SUFU: variants seen among roughly 807,000 people sequenced by gnomAD.
SUFU encodes the protein SUFU negative regulator of hedgehog signaling, also known as suppressor of fused homolog.
Under a neutral mutation model 58.9 loss-of-function variants are expected in SUFU, and 7 were observed. The observed-to-expected ratio is 0.12, with a 90% CI of 0.07 to 0.22. The LOEUF is 0.22. Among genes scored for constraint, SUFU ranks in the 10% least tolerant of loss-of-function variants. SUFU has a pLI of 1.00. For missense variants in SUFU, 451 were observed against 641.3 expected, an observed-to-expected ratio of 0.70 and a Z score of 3.20; for synonymous variants, 232 against 254.8, an observed-to-expected ratio of 0.91 and a Z score of 0.85.
intron 3 of SUFU, among the ~76,000 whole-genome samples, chr10:102,562,349 C>G (rs867099953): frequency 6.6e-6 from 1 of 151,718 alleles, no homozygotes; most frequent in Non-Finnish European, 1.5e-5. Flanking sequence ...ATGGTGGAAC[C>G]ACGTCTCTAC....
chr10:102,630,479 T>C lies in SUFU; in HGVS notation c.*324T>C. The C allele has an allele frequency of 2.2e-6, 1 of 463,522 alleles. No homozygotes were observed. Among genetic ancestry groups the C allele is most frequent in the Non-Finnish European group, 4.0e-6 (1 of 248,968 alleles). 28.7% of individuals were successfully genotyped at this position (463,522 alleles called of 1,614,324 possible). On this transcript the variant is annotated 3_prime_UTR_variant, in exon 12 of 12. Coordinates refer to ENST00000369902, the MANE Select transcript of SUFU (RefSeq NM_016169.4). ...TCTGGACCCTGGCTGTGCCCCTAGGTGGAGACAGCCCTCTTTCTCACCTAC... is the reference window on the plus strand; with the variant it reads ...TCTGGACCCTGGCTGTGCCCCTAGGCGGAGACAGCCCTCTTTCTCACCTAC...
intron 3 of SUFU, chr10:102,572,665 GGT>G (rs2063174428): frequency 1.8e-6 from 1 of 568,894 alleles, no homozygotes; most frequent in African/African-American, 1.9e-5. Flanking sequence ...TGAGATTACA[GGT>G]GTGAGTGAGC....
Position 102,608,341 on chromosome 10 carries a change from G to A in SUFU, c.1023-6927G>A, listed in dbSNP as rs375965749. On this transcript the variant is annotated intron_variant, in intron 8 of 11. Transcript: ENST00000369902. ...CTATTGTAATGACCCTCATGAAACC[G>A]TTTGACTAAACACTAAAAAAGAAAA... Among the ~76,000 whole-genome samples, 4 of 152,318 alleles carry A rather than the reference G, an allele frequency of 2.6e-5. No individual in the cohort carries two copies. In the South Asian group the frequency reaches 8.3e-4, roughly 32 times the overall value.
chr10:102,568,898 A>G lies in SUFU; in HGVS notation c.454+18792A>G, dbSNP rs1347029392. Among the ~76,000 whole-genome samples the G allele has an allele frequency of 3.4e-4, 2 of 5,960 alleles. 1 individual carries two copies. The highest frequency in any genetic ancestry group is 4.9e-3 in the East Asian group (2 of 410). The allele number at this position is 5,960 out of a possible 152,430, so 3.9% of individuals were successfully genotyped here. On this transcript the variant is annotated intron_variant, in intron 3 of 11. Transcript: ENST00000369902. ...TCAAAAAAAAAAAAAAAAAAAAAAAATATATATATATATATATATATACAC... is the reference window on the plus strand; with the variant it reads ...TCAAAAAAAAAAAAAAAAAAAAAAAGTATATATATATATATATATATACAC...
At position 102,632,476 on chromosome 10, in the gene SUFU, G is replaced by A. The variant is rs1163992113; in HGVS notation, c.*2321G>A. On this transcript the variant is annotated 3_prime_UTR_variant, in exon 12 of 12. Coordinates refer to ENST00000369902, the MANE Select transcript of SUFU (RefSeq NM_016169.4). ...CAGGGTATCACACATTTCTCACCAG[G>A]CCTCCTTTCCTATGGGCATTGGTGC... is the stretch of plus-strand genomic sequence containing the variant. The A allele has an allele frequency of 8.6e-6, 2 of 233,330 alleles. No individual in the cohort carries two copies. The highest frequency in any genetic ancestry group is 6.0e-5 in the East Asian group (1 of 16,570). The allele number at this position is 233,330 out of a possible 1,614,324, so 14.5% of individuals were successfully genotyped here.
chr10:102,542,465 G>A (rs902340003), intron 2 of SUFU, among the ~76,000 whole-genome samples: 9 of 151,192 alleles, frequency 6.0e-5, no homozygotes, highest in African/African-American at 1.9e-4. Flanking sequence ...AGTAGAGATG[G>A]GGTTTCATCA....
At chr10:102,556,909 G>A (rs1252435380) in intron 3 of SUFU, among the ~76,000 whole-genome samples, 1 of 151,438 alleles carries the variant, frequency 6.6e-6, no homozygotes, top group Non-Finnish European at 1.5e-5. Flanking sequence ...GGCCAACATG[G>A]TGAAACCCTG....
At chr10:102,541,017 A>G (rs1295139873) in intron 2 of SUFU, among the ~76,000 whole-genome samples, 1 of 151,884 alleles carries the variant, frequency 6.6e-6, no homozygotes, top group African/African-American at 2.4e-5. Flanking sequence ...GCAAGACTCC[A>G]TCTCGAAAAA....
chr10:102,587,387 CT>C (rs901871908), intron 3 of SUFU, among the ~76,000 whole-genome samples: 3 of 152,048 alleles, frequency 2.0e-5, no homozygotes, highest in Non-Finnish European at 4.4e-5. Flanking sequence ...TTTCTGTTTT[CT>C]TTTTTTTATT....
At chr10:102,504,489 C>A (rs2062297348) in intron 1 of SUFU, among the ~76,000 whole-genome samples, 155 bp downstream of exon 1, 1 of 151,714 alleles carries the variant, frequency 6.6e-6, no homozygotes, top group African/African-American at 2.4e-5. Flanking sequence ...AGTTAAGGCT[C>A]AAGTTGGGAA....
chr10:102,550,949 G>C (rs1445602367), intron 3 of SUFU, among the ~76,000 whole-genome samples: 1 of 152,014 alleles, frequency 6.6e-6, no homozygotes, highest in Non-Finnish European at 1.5e-5. Context: ...TTTCCATGTT[G>C]GTCAGGCTGC....
intron 3 of SUFU, among the ~76,000 whole-genome samples, chr10:102,567,342 C>A (rs2063102427): frequency 6.6e-6 from 1 of 152,060 alleles, no homozygotes; most frequent in Admixed American, 6.6e-5. Context: ...AAGGCCAGGG[C>A]AGTGGCTTTC....
intron 9 of SUFU, among the ~76,000 whole-genome samples, chr10:102,616,017 G>A (rs1037187324): frequency 6.9e-6 from 1 of 145,688 alleles, no homozygotes; most frequent in African/African-American, 2.5e-5. Context: ...GGATGGCAGG[G>A]TCCCCAGTAG....
intron 4 of SUFU, 136 bp downstream of exon 4, chr10:102,592,860 GT>G: frequency 9.9e-7 from 1 of 1,005,858 alleles, no homozygotes; most frequent in East Asian, 2.5e-5. Flanking sequence ...TCCTCTGATG[GT>G]TTGTCAGGTA....
intron 3 of SUFU, among the ~76,000 whole-genome samples, chr10:102,568,887 A>G (rs2063122239): frequency 2.2e-5 from 1 of 45,454 alleles, no homozygotes; most frequent in Non-Finnish European, 3.9e-5. Context: ...AAAAAAAAAA[A>G]AAAAAAAAAA....
intron 3 of SUFU, among the ~76,000 whole-genome samples, chr10:102,564,656 G>A (rs926019161): frequency 2.6e-5 from 4 of 152,064 alleles, no homozygotes; most frequent in Non-Finnish European, 4.4e-5. Context: ...TCCTGGTTTC[G>A]CTAAGCTGCC....
chr10:102,570,028 A>G (rs1412591251), intron 3 of SUFU, among the ~76,000 whole-genome samples: 1 of 152,214 alleles, frequency 6.6e-6, no homozygotes. Context: ...GTTACTCAGA[A>G]TAGAGAGCTA....
chr10:102,520,699 G>T (rs932893623), intron 2 of SUFU, among the ~76,000 whole-genome samples: 1 of 152,062 alleles, frequency 6.6e-6, no homozygotes, highest in Non-Finnish European at 1.5e-5. Context: ...TTTCCAAAAG[G>T]TCATAGAGTT....
upstream of SUFU, among the ~76,000 whole-genome samples, chr10:102,503,775 CT>C (rs1208876753): frequency 1.3e-5 from 2 of 152,328 alleles, no homozygotes; most frequent in Non-Finnish European, 2.9e-5. Flanking sequence ...CATCTCTAAA[CT>C]TGGGTTCCTC....
Sources: allele counts gnomAD v4.1 joint callset (sites outside exome capture counted in the v4.1 genomes callset), GRCh38; gene constraint gnomAD v4.1.1; transcripts MANE v1.5; gene names NCBI Gene and HGNC (gene_info 2026-07-23, HGNC 2026-07-21).